NF1: variants seen among roughly 807,000 people sequenced by gnomAD.
NF1 encodes neurofibromin.
Under a neutral mutation model 325.7 loss-of-function variants are expected in NF1, and 122 were observed. The ratio of observed to expected loss-of-function variants is 0.37; its 90% CI spans 0.32 to 0.44. The LOEUF (loss-of-function observed/expected upper bound fraction) is 0.44, where lower values mean the gene tolerates loss of function less well. NF1 is among the 20% of genes least tolerant of loss of function. The pLI, the probability that NF1 is intolerant of heterozygous loss-of-function variation, is 1.00. For missense variants in NF1, 2,140 were observed against 3,415.4 expected, an observed-to-expected ratio of 0.63 and a Z score of 9.31; for synonymous variants, 1,091 against 1,186.0, an observed-to-expected ratio of 0.92 and a Z score of 1.65.
chr17:31,252,900 G>A (rs371061752), intron 30 of NF1, 38 bp from the exon 31 acceptor site: 932 of 1,535,748 alleles, frequency 6.1e-4, no homozygotes, highest in Non-Finnish European at 7.9e-4. Context: ...GTATGTAGTC[G>A]GTGCTGTGAC....
chr17:31,303,181 A>AT (rs2068615389), intron 36 of NF1, among the ~76,000 whole-genome samples: 1 of 152,164 alleles, frequency 6.6e-6, no homozygotes, highest in Non-Finnish European at 1.5e-5. Flanking sequence ...CTACCATTTT[A>AT]TTCTAAGTGC....
At chr17:31,217,764 A>C (rs1453107441) in intron 13 of NF1, among the ~76,000 whole-genome samples, 1 of 150,900 alleles carries the variant, frequency 6.6e-6, no homozygotes, top group Non-Finnish European at 1.5e-5. Context: ...CAGGAGTTCG[A>C]GACCAGCCTG....
intron 45 of NF1, 66 bp from the exon 46 acceptor site, chr17:31,338,638 A>C: frequency 1.0e-6 from 1 of 997,628 alleles, no homozygotes; most frequent in Non-Finnish European, 1.6e-6. Context: ...TCATTCCGAG[A>C]TTCAGTTTAG....
intron 3 of NF1, among the ~76,000 whole-genome samples, chr17:31,161,551 G>A (rs1406558232): frequency 2.6e-5 from 4 of 152,200 alleles, no homozygotes; most frequent in East Asian, 1.9e-4. Flanking sequence ...CATTGATTGT[G>A]TGTTAATTGT....
rs1247145608 is a variant in NF1, at chr17:31,376,243, TG to T, written c.*2089del. 1 of 232,940 alleles carries T rather than the reference TG, an allele frequency of 4.3e-6. No homozygotes were observed. Among genetic ancestry groups the T allele is most frequent in the African/African-American group, 2.2e-5 (1 of 45,340 alleles). 14.4% of individuals were successfully genotyped at this position (232,940 alleles called of 1,614,324 possible). ...TTTAGTTCGATGTTTTTCTTGTTTTTGTTTGTTGGTTTGGTGCATATGATAG... is the reference window on the plus strand; with the variant it reads ...TTTAGTTCGATGTTTTTCTTGTTTTTTTTGTTGGTTTGGTGCATATGATAG... On this transcript the variant is annotated 3_prime_UTR_variant, in exon 58 of 58. Coordinates refer to ENST00000358273, the MANE Select transcript of NF1 (RefSeq NM_001042492.3).
intron 30 of NF1, chr17:31,252,145 A>G (rs911030146): frequency 6.4e-6 from 1 of 156,702 alleles, no homozygotes; most frequent in Admixed American, 8.9e-5. Flanking sequence ...TTTTTAAGAT[A>G]TTTTGATAAA....
intron 3 of NF1, 137 bp downstream of exon 3, chr17:31,159,230 A>G (rs1297441467): frequency 1.4e-5 from 9 of 662,472 alleles, no homozygotes; most frequent in Non-Finnish European, 2.5e-5. Context: ...GAGTTTTGTT[A>G]ATATAGCTGA....
Position 31,327,525 on chromosome 17 carries a change from T to G in NF1, c.5295T>G (p.Thr1765=), listed in dbSNP as rs1286956337. 6.2e-7 allele frequency: 1 copy of G among 1,613,940 alleles called. No individual in the cohort carries two copies. The highest frequency in any genetic ancestry group is 2.2e-5 in the East Asian group (1 of 44,876). Residue 1765 remains threonine (T), a synonymous_variant, in exon 38 of 58, where the codon ACT becomes ACG. Transcript: ENST00000358273. ...TTGGTTCTACTGCTGTCCAAGTAAC[T>G]TCAGCAGAGCGAACAAAAGTCCTAG... ...IKVGSTAVQV[T]SAERTKVLGQ...
At chr17:31,325,384 C>G (rs1366429978) in intron 36 of NF1, among the ~76,000 whole-genome samples, 2 of 152,210 alleles carry the variant, frequency 1.3e-5, no homozygotes, top group African/African-American at 4.8e-5. Flanking sequence ...CTCTTTGGCC[C>G]TGGTTGTCCT....
chr17:31,235,665 C>CGTA lies in NF1; in HGVS notation c.3763_3764insGTA (p.Gln1255delinsArgLys). On this transcript the variant is annotated protein_altering_variant, in exon 28 of 58. Coordinates refer to ENST00000358273, the MANE Select transcript of NF1 (RefSeq NM_001042492.3). ...GTTTGATTCTCGGCATTTACTCTAC[C>CGTA]AACTGCTCTGGAACATGTTTTCTAA... is the stretch of plus-strand genomic sequence containing the variant. 1 of 1,614,102 alleles carries CGTA rather than the reference C, an allele frequency of 6.2e-7. No individual in the cohort carries two copies. Among genetic ancestry groups the CGTA allele is most frequent in the Non-Finnish European group, 8.5e-7 (1 of 1,180,006 alleles).
intron 36 of NF1, chr17:31,295,311 C>T (rs1157425063): frequency 6.2e-7 from 1 of 1,614,082 alleles, no homozygotes; most frequent in Non-Finnish European, 8.5e-7. Context: ...TTGATAGTCT[C>T]TGTGGATGTA....
intron 48 of NF1, among the ~76,000 whole-genome samples, chr17:31,348,715 A>G (rs2070058374): frequency 7.9e-6 from 1 of 127,010 alleles, no homozygotes; most frequent in Non-Finnish European, 1.9e-5. Flanking sequence ...AATTAAAGGG[A>G]CATCTTTTCT....
chr17:31,182,207 T>A lies in NF1; in HGVS notation c.731-301T>A, dbSNP rs115844987. 4.7e-3 allele frequency among the ~76,000 whole-genome samples: 721 copies of A among 152,310 alleles called. 7 individuals carry two copies. Among genetic ancestry groups the A allele is most frequent in the African/African-American group, 0.017 (689 of 41,574 alleles). ...TAATTCTTTTTGGGAAGCTGTTCAG[T>A]CTTTGTTGCTTGGGTACATCACACT... On this transcript the variant is annotated intron_variant, in intron 7 of 57. Coordinates refer to ENST00000358273, the MANE Select transcript of NF1 (RefSeq NM_001042492.3).
chr17:31,218,944 C>T (rs2066871450), intron 13 of NF1, 61 bp from the exon 14 acceptor site: 1 of 1,488,866 alleles, frequency 6.7e-7, no homozygotes, highest in African/African-American at 1.4e-5. Context: ...ATTTCTTCCT[C>T]CTTCTAATCT....
intron 30 of NF1, chr17:31,252,664 A>T (rs2067515976): frequency 4.8e-6 from 2 of 415,926 alleles, no homozygotes; most frequent in African/African-American, 4.0e-5. Flanking sequence ...CCTCAAATTC[A>T]CTTGGAGAGA....
At chr17:31,219,352 A>T in intron 14 of NF1, 1 of 250,142 alleles carries the variant, frequency 4.0e-6, no homozygotes, top group Admixed American at 5.5e-5. Context: ...AAATAGTTCG[A>T]GATTTTCTAA....
chr17:31,340,061 C>A (rs1293395389), intron 46 of NF1, among the ~76,000 whole-genome samples: 1 of 152,156 alleles, frequency 6.6e-6, no homozygotes, highest in East Asian at 1.9e-4. Context: ...TTTAAGCAGA[C>A]AAGTCATACG....
chr17:31,251,348 CT>C, intron 30 of NF1: 2 of 205,338 alleles, frequency 9.7e-6, no homozygotes, highest in East Asian at 7.4e-5. Context: ...ACTTTAGCTC[CT>C]TTTTTGAGTT....
intron 1 of NF1, among the ~76,000 whole-genome samples, chr17:31,143,535 G>A (rs997308441): frequency 3.9e-5 from 6 of 151,968 alleles, no homozygotes; most frequent in African/African-American, 1.5e-4. Flanking sequence ...CCTCCCCAAA[G>A]TGCTGGTTTT....
Sources: allele counts gnomAD v4.1 joint callset (sites outside exome capture counted in the v4.1 genomes callset), GRCh38; gene constraint gnomAD v4.1.1; transcripts MANE v1.5; gene names NCBI Gene and HGNC (gene_info 2026-07-23, HGNC 2026-07-21).